PLCH2: variants seen among roughly 807,000 people sequenced by gnomAD.
PLCH2 encodes the protein 1-phosphatidylinositol 4,5-bisphosphate phosphodiesterase eta-2.
PLCH2 carries 98 observed loss-of-function variants against 134.7 expected under a neutral mutation model. That is an observed-to-expected ratio of 0.73 (90% confidence interval 0.62 to 0.86). The LOEUF is 0.86. PLCH2 is among the 40% of genes least tolerant of loss of function. The probability of loss-of-function intolerance (pLI) is 0.00; values close to 1 mark genes in which losing one functional copy is unlikely to be tolerated. For missense variants in PLCH2, 1,994 were observed against 1,986.6 expected, an observed-to-expected ratio of 1.00 and a Z score of -0.07; for synonymous variants, 974 against 827.5, an observed-to-expected ratio of 1.18 and a Z score of -3.04.
At chr1:2,491,127 T>C in intron 10 of PLCH2, 65 bp from the exon 11 acceptor site, 1 of 1,483,066 alleles carries the variant, frequency 6.7e-7, no homozygotes, top group East Asian at 2.4e-5. Context: ...ACCCTGGGGG[T>C]TGTCATTGCC....
the PLCH2 span, among the ~76,000 whole-genome samples, chr1:2,416,724 G>T: frequency 6.6e-6 from 1 of 152,228 alleles, no homozygotes; most frequent in Non-Finnish European, 1.5e-5. Flanking sequence ...CAGTGCCTGG[G>T]CCAGGGTTTA....
chr1:2,496,556 G>A, intron 13 of PLCH2, 51 bp from the exon 14 acceptor site: 1 of 1,464,950 alleles, frequency 6.8e-7, no homozygotes, highest in Non-Finnish European at 9.4e-7. Flanking sequence ...GGAGCTGGGT[G>A]CCAGGCTGGC....
chr1:2,496,449 T>G (rs918715062), intron 13 of PLCH2, among the ~76,000 whole-genome samples, 158 bp from the exon 14 acceptor site: 4 of 152,248 alleles, frequency 2.6e-5, no homozygotes, highest in African/African-American at 4.8e-5. Flanking sequence ...GCACTCAGGT[T>G]TCCGCAGCCC....
chr1:2,425,516 T>A (rs543117325), upstream of PLCH2, among the ~76,000 whole-genome samples: 5 of 152,134 alleles, frequency 3.3e-5, no homozygotes, highest in Non-Finnish European at 7.4e-5. Context: ...TCTGCTGGTT[T>A]TTAGGTGGCA....
At chr1:2,455,976 A>G (rs1334280299) in intron 2 of PLCH2, among the ~76,000 whole-genome samples, 1 of 152,152 alleles carries the variant, frequency 6.6e-6, no homozygotes, top group Non-Finnish European at 1.5e-5. Context: ...TGTTTGACTC[A>G]CTTCCATTCT....
intron 1 of PLCH2, 103 bp downstream of exon 1, chr1:2,476,815 C>T: frequency 8.1e-7 from 1 of 1,238,068 alleles, no homozygotes; most frequent in Non-Finnish European, 1.1e-6. Flanking sequence ...GGGCCTCCAT[C>T]CCATCCTGCA....
chr1:2,491,417 G>T (rs537801114), intron 11 of PLCH2, 82 bp downstream of exon 11: 2 of 1,443,608 alleles, frequency 1.4e-6, no homozygotes, highest in Non-Finnish European at 1.9e-6. Flanking sequence ...GCCCCCGAAC[G>T]TATGCTCTGT....
chr1:2,473,124 C>T (rs140206722), upstream of PLCH2, among the ~76,000 whole-genome samples: 2,187 of 152,180 alleles, frequency 0.014, 29 homozygotes, highest in Non-Finnish European at 0.024. Flanking sequence ...CTTCTGACAG[C>T]GCGCGCTCTT....
chr1:2,433,341 C>T (rs559711142), intron 2 of PLCH2, among the ~76,000 whole-genome samples: 445 of 152,324 alleles, frequency 2.9e-3, no homozygotes, highest in Non-Finnish European at 4.7e-3. Context: ...CCTGGCATCT[C>T]CATGTGGATG....
Position 2,502,141 on chromosome 1 carries a change from C to T in PLCH2, c.2691C>T (p.Leu897=). The change falls in exon 21 of 22, where the codon CTC becomes CTT. Residue 897 remains leucine (L), a synonymous_variant. Transcript: ENST00000378486. ...AGCAGGCTCTGGGCCTAAAAGGCCT[C>T]TTCCTCCGAGGCCCAAAGCCCGGCT... The part of the protein sequence containing the change: ...KVKQALGLKG[L]FLRGPKPGSL... 1.4e-6 allele frequency: 2 copies of T among 1,472,750 alleles called. No homozygotes were observed. The highest frequency in any genetic ancestry group is 1.8e-6 in the Non-Finnish European group (2 of 1,116,426). 91.2% of individuals were successfully genotyped at this position (1,472,750 alleles called of 1,614,324 possible).
intron 21 of PLCH2, chr1:2,503,557 C>T (rs1643355584): frequency 1.5e-6 from 1 of 673,534 alleles, no homozygotes; most frequent in Non-Finnish European, 2.7e-6. Context: ...CACCACCCTG[C>T]CCCTCCAGAC....
chr1:2,422,471 A>G (rs1170528320), upstream of PLCH2, among the ~76,000 whole-genome samples: 1 of 152,206 alleles, frequency 6.6e-6, no homozygotes, highest in African/African-American at 2.4e-5. Flanking sequence ...ATCAGTGAAG[A>G]GATCTGGCCT....
At chr1:2,488,114 G>A (rs563203912) in intron 8 of PLCH2, among the ~76,000 whole-genome samples, 6 of 152,246 alleles carry the variant, frequency 3.9e-5, no homozygotes, top group East Asian at 3.8e-4. Flanking sequence ...CCGCCTCCCC[G>A]TGTGGTTTGA....
chr1:2,494,518 T>G (rs1185663938), intron 11 of PLCH2: 1 of 417,158 alleles, frequency 2.4e-6, no homozygotes, highest in African/African-American at 2.0e-5. Context: ...TATTACGTAG[T>G]CACCACTGGT....
At position 2,469,626 on chromosome 1, in the gene PLCH2, C is replaced by T. The variant is rs535900668; in HGVS notation, c.43+1964C>T. ...TCTCAGGGACCCAGGCCCAGTGGCT[C>T]CACCTTCATTGAGGGTGGGCAGGGG... On this transcript the variant is annotated intron_variant, in intron 1 of 21. Coordinates refer to the PLCH2 transcript ENST00000449969. 2.6e-5 allele frequency among the ~76,000 whole-genome samples: 4 copies of T among 152,278 alleles called. No individual in the cohort carries two copies. In the South Asian group the frequency reaches 8.3e-4, roughly 32 times the overall value.
chr1:2,487,336 G>A lies in PLCH2; in HGVS notation c.1074G>A (p.Met358Ile), dbSNP rs754374068. 1.1e-5 allele frequency: 17 copies of A among 1,613,728 alleles called. No homozygotes were observed. Among genetic ancestry groups the A allele is most frequent in the Non-Finnish European group, 1.4e-5 (17 of 1,179,928 alleles). Residue 358 changes from methionine (M) to isoleucine (I), a missense_variant, in exon 7 of 22, where the codon ATG (methionine) becomes ATA (isoleucine). By Grantham distance (10) the Met-to-Ile change is conservative. Transcript: ENST00000378486. ...DQLMSQSRVD[M>I]YAWVLQAGCR... ...TCATGTCCCAGTCACGGGTGGACATGTATGCTTGGGTCCTGCAGGCTGGCT... is the reference window on the plus strand; with the variant it reads ...TCATGTCCCAGTCACGGGTGGACATATATGCTTGGGTCCTGCAGGCTGGCT...
chr1:2,498,368 G>T lies in PLCH2; in HGVS notation c.2225-155G>T. ...CATACTGGGCCAGGTGCACCCCGAG[G>T]TGCCCCCCTGGACCACTGCCTCCCT... On this transcript the variant is annotated intron_variant, in intron 16 of 21. Transcript: ENST00000378486. This position sits in a 1 kb window ranked among gnomAD's most constrained non-coding sequence, Gnocchi z 5.4. The T allele has an allele frequency of 1.3e-6, 1 of 750,114 alleles. No individual in the cohort carries two copies. The highest frequency in any genetic ancestry group is 2.7e-5 in the East Asian group (1 of 36,820). The allele number at this position is 750,114 out of a possible 1,614,324, so 46.5% of individuals were successfully genotyped here.
chr1:2,442,642 C>G (rs992696458), intron 2 of PLCH2, among the ~76,000 whole-genome samples: 1 of 152,248 alleles, frequency 6.6e-6, no homozygotes, highest in African/African-American at 2.4e-5. Flanking sequence ...AGTCCAGGGA[C>G]CCTTGGGTGC....
the PLCH2 span, among the ~76,000 whole-genome samples, chr1:2,419,463 C>A: frequency 6.6e-6 from 1 of 152,140 alleles, no homozygotes; most frequent in Non-Finnish European, 1.5e-5. Flanking sequence ...CACTCTGAGG[C>A]CCGGGCCTCG....
Sources: gnomAD v4.1 joint callset for allele counts (sites outside exome capture counted in the v4.1 genomes callset) on GRCh38, gnomAD v4.1.1 for gene constraint, Gnocchi (gnomAD v3.1) non-coding constraint, MANE v1.5 for transcripts, NCBI Gene and HGNC (gene_info 2026-07-23, HGNC 2026-07-21) for gene names.